The following NEGR1 variants were observed in gnomAD, a reference collection of about 807,000 sequenced individuals.
The protein encoded by NEGR1 is neuronal growth regulator 1.
Under a neutral mutation model 40.9 loss-of-function variants are expected in NEGR1, and 10 were observed. The ratio of observed to expected loss-of-function variants is 0.24; its 90% CI spans 0.15 to 0.42. The LOEUF is 0.42. Ranked by LOEUF, NEGR1 falls within the 10% of genes least tolerant of loss-of-function variation. NEGR1 has a pLI of 1.00. For synonymous variants in NEGR1, 185 were observed against 166.8 expected, an observed-to-expected ratio of 1.11 and a Z score of -0.84; for missense variants, 352 against 438.9, an observed-to-expected ratio of 0.80 and a Z score of 1.77.
intron 1 of NEGR1, among the ~76,000 whole-genome samples, chr1:72,063,709 A>G (rs1298112165): frequency 6.6e-6 from 1 of 151,950 alleles, no homozygotes; most frequent in Admixed American, 6.6e-5. Context: ...TTAGCAGGTC[A>G]CAAAACTATC....
At chr1:71,948,121 T>C (rs921159484) in intron 1 of NEGR1, among the ~76,000 whole-genome samples, 2 of 152,168 alleles carry the variant, frequency 1.3e-5, no homozygotes. Context: ...CTTTGTTCTA[T>C]CTTGTGTAGA....
chr1:72,102,201 G>C (rs1648973972), intron 1 of NEGR1, among the ~76,000 whole-genome samples: 1 of 152,000 alleles, frequency 6.6e-6, no homozygotes. Context: ...CTTATAAAAT[G>C]TTTTATTTGT....
intron 1 of NEGR1, among the ~76,000 whole-genome samples, chr1:72,254,952 T>C (rs1160859738): frequency 2.0e-5 from 3 of 152,152 alleles, no homozygotes; most frequent in Non-Finnish European, 4.4e-5. Context: ...TCAATAGATG[T>C]ATTAAAAATT....
intron 3 of NEGR1, among the ~76,000 whole-genome samples, chr1:71,768,323 C>T (rs1656201131): frequency 6.6e-6 from 1 of 152,226 alleles, no homozygotes; most frequent in Middle Eastern, 3.4e-3. Context: ...GGAACTCAGC[C>T]CTTGCTTCAG....
intron 6 of NEGR1, among the ~76,000 whole-genome samples, chr1:71,538,470 CGTGGTTTCATCT>C (rs1409920784): frequency 6.6e-6 from 1 of 151,532 alleles, no homozygotes; most frequent in Non-Finnish European, 1.5e-5. Flanking sequence ...TTTTGGTTGC[CGTGGTTTCATCT>C]GAAAGCTCTG....
intron 2 of NEGR1, among the ~76,000 whole-genome samples, chr1:71,818,187 T>C (rs1465067183): frequency 6.6e-6 from 1 of 152,002 alleles, no homozygotes; most frequent in Non-Finnish European, 1.5e-5. Flanking sequence ...TTATTAGGTA[T>C]ATACCCACAG....
chr1:71,999,632 A>AATCTAT (rs1353373602), intron 1 of NEGR1, among the ~76,000 whole-genome samples: 1 of 48,380 alleles, frequency 2.1e-5, no homozygotes, highest in African/African-American at 9.4e-5. Flanking sequence ...GAGCAAAGCA[A>AATCTAT]ATATATATAT....
At chr1:71,609,895 C>G (rs1650198427) in intron 5 of NEGR1, among the ~76,000 whole-genome samples, 2 of 152,156 alleles carry the variant, frequency 1.3e-5, no homozygotes, top group Admixed American at 6.5e-5. Flanking sequence ...GGGGGCAGTT[C>G]CCCCACCCTG....
intron 1 of NEGR1, among the ~76,000 whole-genome samples, chr1:71,982,408 T>C (rs900694426): frequency 6.6e-6 from 1 of 152,166 alleles, no homozygotes; most frequent in African/African-American, 2.4e-5. Context: ...GGACACAGCA[T>C]CTTGATGGTA....
chr1:71,777,287 ATC>A (rs1450048739), intron 2 of NEGR1, among the ~76,000 whole-genome samples: 4 of 152,130 alleles, frequency 2.6e-5, no homozygotes, highest in African/African-American at 9.7e-5. Flanking sequence ...TACATGTCCT[ATC>A]TGGCTGCTAT....
chr1:71,912,225 T>C (rs1445567346), intron 2 of NEGR1, among the ~76,000 whole-genome samples: 1 of 152,182 alleles, frequency 6.6e-6, no homozygotes, highest in East Asian at 1.9e-4. Context: ...TGCACTTTCT[T>C]GTCTTTTCCA....
rs1163004270 is a variant in NEGR1, at chr1:71,402,950, A to G, written c.*4496T>C. 6.6e-6 allele frequency: 1 copy of G among 152,156 alleles called. No individual in the cohort carries two copies. Among genetic ancestry groups the G allele is most frequent in the Non-Finnish European group, 1.5e-5 (1 of 67,990 alleles). 9.4% of individuals were successfully genotyped at this position (152,156 alleles called of 1,614,324 possible). On this transcript the variant is annotated 3_prime_UTR_variant, in exon 7 of 7. Coordinates refer to ENST00000357731, the MANE Select transcript of NEGR1 (RefSeq NM_173808.3). ...AAGAAATAATGAAGCTGTGGGGGAA[A>G]TCAGACATTTATTAGAACATTTCCA...
chr1:72,261,541 T>TA lies in NEGR1; in HGVS notation c.176+20777dup, dbSNP rs1160377546. Among the ~76,000 whole-genome samples the TA allele has an allele frequency of 3.3e-5, 5 of 152,084 alleles. No homozygotes were observed. In the East Asian group the frequency reaches 5.8e-4, roughly 18 times the overall value. ...ATTAAATACTGAAAGGCCTTGTAAT[T>TA]AAAAAAATGTTTATAAAACTTTTTT... On this transcript the variant is annotated intron_variant, in intron 1 of 6. Transcript: ENST00000357731.
At chr1:71,499,562 G>C (rs1210211688) in intron 6 of NEGR1, among the ~76,000 whole-genome samples, 1 of 149,290 alleles carries the variant, frequency 6.7e-6, no homozygotes, top group African/African-American at 2.5e-5. Context: ...AATTATTATA[G>C]GCACTCAAAA....
At chr1:71,564,028 A>C (rs1460183595) in intron 6 of NEGR1, among the ~76,000 whole-genome samples, 1 of 152,044 alleles carries the variant, frequency 6.6e-6, no homozygotes, top group Non-Finnish European at 1.5e-5. Flanking sequence ...TGGAAATGGA[A>C]GGAAAAAGGC....
At chr1:72,254,765 A>G (rs951176174) in intron 1 of NEGR1, among the ~76,000 whole-genome samples, 4 of 152,000 alleles carry the variant, frequency 2.6e-5, no homozygotes, top group South Asian at 2.1e-4. Flanking sequence ...TAGCCAGGAC[A>G]ACGTTGACAT....
intron 2 of NEGR1, among the ~76,000 whole-genome samples, chr1:71,928,619 A>AT (rs1645824569): frequency 6.6e-6 from 1 of 150,520 alleles, no homozygotes; most frequent in Non-Finnish European, 1.5e-5. Flanking sequence ...ATATATATAT[A>AT]AAATGATCGT....
intron 1 of NEGR1, among the ~76,000 whole-genome samples, chr1:72,055,209 G>A (rs1265695515): frequency 6.6e-6 from 1 of 151,104 alleles, no homozygotes; most frequent in East Asian, 1.9e-4. Context: ...CTTCACTAAT[G>A]TATAAGAATA....
intron 3 of NEGR1, among the ~76,000 whole-genome samples, chr1:71,712,432 C>T (rs1299291035): frequency 1.3e-5 from 2 of 152,100 alleles, no homozygotes; most frequent in Non-Finnish European, 1.5e-5. Flanking sequence ...ACTCACTTTG[C>T]TATCTGTTTC....
Sources: gnomAD v4.1 joint callset for allele counts (sites outside exome capture counted in the v4.1 genomes callset) on GRCh38, gnomAD v4.1.1 for gene constraint, MANE v1.5 for transcripts, NCBI Gene and HGNC (gene_info 2026-07-23, HGNC 2026-07-21) for gene names.